Variants in ERC2 observed in about 807,000 individuals in gnomAD.
ERC2 encodes the protein ELKS/RAB6-interacting/CAST family member 2.
ERC2 carries 42 observed loss-of-function variants against 114.8 expected under a neutral mutation model. That is an observed-to-expected ratio of 0.37 (90% CI 0.29 to 0.47). The LOEUF (loss-of-function observed/expected upper bound fraction) is 0.47, where lower values mean the gene tolerates loss of function less well. ERC2 is among the 20% of genes least tolerant of loss of function. The pLI, the probability that ERC2 is intolerant of heterozygous loss-of-function variation, is 0.99. For missense variants in ERC2, 939 were observed against 1,150.7 expected (o/e 0.82, Z 2.66); for synonymous variants, 454 against 425.5 (o/e 1.07, Z -0.82).
At chr3:56,347,437 C>T (rs562951975) in intron 2 of ERC2, among the ~76,000 whole-genome samples, 2 of 151,882 alleles carry the variant, frequency 1.3e-5, no homozygotes, top group Non-Finnish European at 2.9e-5. Flanking sequence ...AGGCTTGGCC[C>T]GTTCCTCCCT....
chr3:55,701,929 G>A (rs1328743290), intron 15 of ERC2, among the ~76,000 whole-genome samples: 1 of 152,156 alleles, frequency 6.6e-6, no homozygotes, highest in African/African-American at 2.4e-5. Flanking sequence ...TCTGCTGTGG[G>A]CAAGAAGGAA....
At chr3:55,720,405 T>C (rs1184860183) in intron 15 of ERC2, among the ~76,000 whole-genome samples, 5 of 148,450 alleles carry the variant, frequency 3.4e-5, no homozygotes, top group Non-Finnish European at 1.5e-5. Flanking sequence ...CCTGCCTCAG[T>C]CTCCCGAGTA....
At chr3:56,252,757 CAAAAAAA>C (rs71099628) in intron 3 of ERC2, among the ~76,000 whole-genome samples, 1 of 74,194 alleles carries the variant, frequency 1.3e-5, no homozygotes, top group African/African-American at 5.7e-5. Context: ...AACTCTGTCT[CAAAAAAA>C]AAAAAAAAAA....
rs62251519 is a variant in ERC2, at chr3:55,600,182, T to C, written c.*39+83612A>G. Among the ~76,000 whole-genome samples the C allele has an allele frequency of 4.2e-3, 634 of 152,250 alleles. 4 individuals carry two copies. Among genetic ancestry groups the C allele is most frequent in the African/African-American group, 0.014 (583 of 41,534 alleles). On this transcript the variant is annotated intron_variant, in intron 17 of 17. Transcript: ENST00000288221. ...CAACATGATAGATATGGGAATTACA[T>C]AGTGAGAACCTGAGGATAATAGATG... is the stretch of plus-strand genomic sequence containing the variant.
intron 3 of ERC2, among the ~76,000 whole-genome samples, chr3:56,174,744 C>A (rs1220217419): frequency 2.0e-5 from 3 of 152,042 alleles, no homozygotes; most frequent in Admixed American, 6.6e-5. Context: ...CTTTGGGAGG[C>A]CGAGGTGGGT....
At chr3:55,982,657 T>C (rs113638439) in intron 12 of ERC2, among the ~76,000 whole-genome samples, 394 of 152,282 alleles carry the variant, frequency 2.6e-3, no homozygotes, top group African/African-American at 9.2e-3. Context: ...CAGGTATTTT[T>C]TGGAAATGCT....
At chr3:56,287,133 T>C (rs2054775024) in intron 3 of ERC2, among the ~76,000 whole-genome samples, 1 of 152,146 alleles carries the variant, frequency 6.6e-6, no homozygotes, top group African/African-American at 2.4e-5. Context: ...GGAAAGTAGA[T>C]TTTACCAAAT....
Position 55,801,211 on chromosome 3 carries a change from C to T in ERC2, c.2565-66293G>A, listed in dbSNP as rs138646195. On this transcript the variant is annotated intron_variant, in intron 14 of 17. Transcript: ENST00000288221. ...TTAATACAATGTCTATGAACCAACA[C>T]CCATACAAAGAGATTTTCTTAAGAC... 1.1e-3 allele frequency among the ~76,000 whole-genome samples: 172 copies of T among 152,278 alleles called. 1 individual carries two copies. Among genetic ancestry groups the T allele is most frequent in the African/African-American group, 3.7e-3 (155 of 41,558 alleles).
intron 6 of ERC2, among the ~76,000 whole-genome samples, chr3:56,111,296 CCT>C (rs144333105): frequency 0.16 from 24,797 of 150,554 alleles, 2,198 homozygotes; most frequent in African/African-American, 0.21. Flanking sequence ...TTTCTCTCTC[CCT>C]CTTTCTCTCT....
chr3:55,560,821 C>T (rs1173140317), intron 17 of ERC2, among the ~76,000 whole-genome samples: 1 of 152,132 alleles, frequency 6.6e-6, no homozygotes, highest in Non-Finnish European at 1.5e-5. Context: ...AAAATCTTAC[C>T]AACCTAGGTT....
At chr3:56,052,075 C>CA (rs1172367333) in intron 7 of ERC2, among the ~76,000 whole-genome samples, 1 of 152,106 alleles carries the variant, frequency 6.6e-6, no homozygotes, top group Non-Finnish European at 1.5e-5. Flanking sequence ...AAAGAAACTA[C>CA]AAAAAACAGT....
chr3:55,626,263 GT>G (rs36078953), intron 17 of ERC2, among the ~76,000 whole-genome samples: 1 of 152,124 alleles, frequency 6.6e-6, no homozygotes, highest in Non-Finnish European at 1.5e-5. Context: ...TGGAAAACAA[GT>G]TTTGAAAAAA....
intron 1 of ERC2, among the ~76,000 whole-genome samples, chr3:56,440,407 G>T (rs1387891030): frequency 6.6e-6 from 1 of 152,116 alleles, no homozygotes; most frequent in Non-Finnish European, 1.5e-5. Flanking sequence ...AATTAGCCAG[G>T]CGTGGTGGTG....
At chr3:55,957,883 A>G (rs1261394465) in intron 12 of ERC2, among the ~76,000 whole-genome samples, 2 of 152,208 alleles carry the variant, frequency 1.3e-5, no homozygotes, top group African/African-American at 4.8e-5. Context: ...AGGGTGTCAC[A>G]GCCCTGGCTC....
chr3:56,320,955 C>T (rs2057101939), intron 2 of ERC2, among the ~76,000 whole-genome samples: 1 of 152,160 alleles, frequency 6.6e-6, no homozygotes, highest in African/African-American at 2.4e-5. Context: ...CTCAATGACT[C>T]CGGCCAAGTA....
At chr3:56,410,858 C>A (rs2060915861) in intron 2 of ERC2, among the ~76,000 whole-genome samples, 1 of 152,100 alleles carries the variant, frequency 6.6e-6, no homozygotes, top group South Asian at 2.1e-4. Context: ...GTCTGTCTTC[C>A]ACTATGTTCC....
chr3:55,701,777 T>C (rs1342980196), intron 15 of ERC2, among the ~76,000 whole-genome samples: 2 of 152,196 alleles, frequency 1.3e-5, no homozygotes, highest in African/African-American at 4.8e-5. Flanking sequence ...CAGCCTGCCA[T>C]TGCACATGAG....
chr3:55,907,374 T>C (rs956859076), intron 13 of ERC2, among the ~76,000 whole-genome samples: 1 of 152,190 alleles, frequency 6.6e-6, no homozygotes, highest in Non-Finnish European at 1.5e-5. Context: ...GGAGATATCA[T>C]GCCCTGCTGC....
At chr3:56,232,807 T>C (rs2050713109) in intron 3 of ERC2, among the ~76,000 whole-genome samples, 1 of 152,212 alleles carries the variant, frequency 6.6e-6, no homozygotes, top group Non-Finnish European at 1.5e-5. Context: ...CACTCTTTGC[T>C]GCACCTTCTA....
Sources: allele counts gnomAD v4.1 joint callset (sites outside exome capture counted in the v4.1 genomes callset), GRCh38; gene constraint gnomAD v4.1.1; transcripts MANE v1.5; gene names NCBI Gene and HGNC (gene_info 2026-07-23, HGNC 2026-07-21).